Variants in MAGI2 observed in about 807,000 individuals in gnomAD.
MAGI2 encodes membrane associated guanylate kinase, WW and PDZ domain containing 2.
A neutral mutation model predicts 133.3 loss-of-function variants in MAGI2; 35 were observed. The ratio of observed to expected loss-of-function variants is 0.26; its 90% CI spans 0.20 to 0.35. MAGI2 has a LOEUF of 0.35. Among genes scored for constraint, MAGI2 ranks in the 10% least tolerant of loss-of-function variants. MAGI2 has a pLI of 1.00. For synonymous variants in MAGI2, 729 were observed against 710.6 expected (o/e 1.03, Z -0.41); for missense variants, 1,636 against 1,863.4 (o/e 0.88, Z 2.25).
intron 2 of MAGI2, among the ~76,000 whole-genome samples, chr7:78,896,018 G>A (rs972305757): frequency 6.6e-6 from 1 of 152,038 alleles, no homozygotes; most frequent in Non-Finnish European, 1.5e-5. Context: ...CTTAAAAAAA[G>A]AATGATTCTT....
chr7:78,882,115 A>AAG (rs1795917992), intron 2 of MAGI2, among the ~76,000 whole-genome samples: 14 of 93,720 alleles, frequency 1.5e-4, no homozygotes, highest in South Asian at 6.9e-4. Context: ...AAAAGAAAAG[A>AAG]AAAACAAAAA....
intron 3 of MAGI2, among the ~76,000 whole-genome samples, chr7:78,588,476 G>T (rs1803650675): frequency 6.6e-6 from 1 of 152,312 alleles, no homozygotes; most frequent in South Asian, 2.1e-4. Context: ...GATAACATAT[G>T]TGCAAATGGA....
At chr7:78,618,896 A>T (rs1221850399) in intron 3 of MAGI2, 1 of 150,670 alleles carries the variant, frequency 6.6e-6, no homozygotes, top group Admixed American at 6.6e-5. Context: ...TCAAGGGGAA[A>T]TGTTGGTCAA....
At chr7:78,658,053 G>C (rs1423074328) in intron 2 of MAGI2, among the ~76,000 whole-genome samples, 3 of 152,168 alleles carry the variant, frequency 2.0e-5, no homozygotes, top group Admixed American at 2.0e-4. Context: ...AGATTGTGCA[G>C]AACTGATATT....
chr7:79,205,342 C>A (rs935363220), intron 1 of MAGI2, among the ~76,000 whole-genome samples: 1 of 151,846 alleles, frequency 6.6e-6, no homozygotes, highest in African/African-American at 2.4e-5. Flanking sequence ...AATTACTGAA[C>A]ATCAAATTGC....
chr7:78,093,852 AC>A (rs1379424175), intron 20 of MAGI2, among the ~76,000 whole-genome samples: 1 of 152,244 alleles, frequency 6.6e-6, no homozygotes, highest in African/African-American at 2.4e-5. Context: ...GAAAAAATGG[AC>A]CCTTCATAAT....
intron 12 of MAGI2, among the ~76,000 whole-genome samples, chr7:78,188,469 T>C (rs749963390): frequency 7.9e-5 from 12 of 152,194 alleles, no homozygotes; most frequent in Non-Finnish European, 1.6e-4. Context: ...AGAAAATCTC[T>C]CAGTACAATT....
chr7:78,389,998 C>CA (rs1795753488), intron 6 of MAGI2, among the ~76,000 whole-genome samples: 1 of 152,254 alleles, frequency 6.6e-6, no homozygotes, highest in East Asian at 1.9e-4. Flanking sequence ...TTGCCTTTTA[C>CA]AAAATCATGA....
chr7:78,189,230 C>T (rs3807655), intron 12 of MAGI2, among the ~76,000 whole-genome samples: 42,101 of 152,104 alleles, frequency 0.28, 6,407 homozygotes, highest in South Asian at 0.36. Flanking sequence ...AAGAGCAGGA[C>T]AACAGCCATA....
At chr7:79,108,152 C>T (rs1240816638) in intron 1 of MAGI2, among the ~76,000 whole-genome samples, 6 of 152,198 alleles carry the variant, frequency 3.9e-5, no homozygotes, top group Non-Finnish European at 8.8e-5. Flanking sequence ...GGTGATTCTA[C>T]CACAGACCAG....
At chr7:78,857,048 CTGTT>C (rs1490143767) in intron 2 of MAGI2, among the ~76,000 whole-genome samples, 11 of 152,276 alleles carry the variant, frequency 7.2e-5, no homozygotes, top group African/African-American at 2.6e-4. Context: ...ATTTGGCTCT[CTGTT>C]TGTCTGTTAT....
intron 9 of MAGI2, among the ~76,000 whole-genome samples, chr7:78,287,317 C>G (rs1562757023): frequency 6.6e-6 from 1 of 152,112 alleles, no homozygotes; most frequent in Admixed American, 6.6e-5. Context: ...TGTTAAGGTT[C>G]TAGCTTGGGA....
At chr7:79,172,371 A>T (rs1199902611) in intron 1 of MAGI2, among the ~76,000 whole-genome samples, 1 of 152,098 alleles carries the variant, frequency 6.6e-6, no homozygotes, top group Non-Finnish European at 1.5e-5. Context: ...AAGGAGAAAC[A>T]CAGTAATTGA....
intron 21 of MAGI2, among the ~76,000 whole-genome samples, chr7:78,042,072 A>G (rs968102561): frequency 5.3e-5 from 8 of 152,210 alleles, no homozygotes; most frequent in Non-Finnish European, 8.8e-5. Flanking sequence ...CCATGAGTAC[A>G]GGAGACATGA....
intron 2 of MAGI2, among the ~76,000 whole-genome samples, chr7:78,932,824 A>G (rs1412635571): frequency 6.6e-6 from 1 of 152,172 alleles, no homozygotes; most frequent in African/African-American, 2.4e-5. Flanking sequence ...TGATGCCAGA[A>G]CTAGACTATA....
intron 1 of MAGI2, among the ~76,000 whole-genome samples, chr7:79,253,863 T>C (rs563520828): frequency 1.3e-5 from 2 of 152,286 alleles, no homozygotes; most frequent in Admixed American, 6.5e-5. Context: ...GAGAACACAA[T>C]AGAATAATGT....
At chr7:78,260,028 G>A (rs1315079262) in intron 9 of MAGI2, among the ~76,000 whole-genome samples, 2 of 152,150 alleles carry the variant, frequency 1.3e-5, no homozygotes, top group Non-Finnish European at 2.9e-5. Context: ...ATATCTTTAT[G>A]AAGATACGTA....
intron 1 of MAGI2, among the ~76,000 whole-genome samples, chr7:79,338,396 A>G (rs755679852): frequency 6.6e-6 from 1 of 152,186 alleles, no homozygotes; most frequent in Admixed American, 6.6e-5. Context: ...ACCAGAATAA[A>G]TAAGAAAGAT....
At chr7:78,234,274 A>G (rs2150883902) in intron 10 of MAGI2, among the ~76,000 whole-genome samples, 1 of 152,322 alleles carries the variant, frequency 6.6e-6, no homozygotes, top group South Asian at 2.1e-4. Context: ...ATCTACTAGC[A>G]GAAGATGCTT....
Sources: allele counts gnomAD v4.1 joint callset (sites outside exome capture counted in the v4.1 genomes callset), GRCh38; gene constraint gnomAD v4.1.1; transcripts MANE v1.5; gene names NCBI Gene and HGNC (gene_info 2026-07-23, HGNC 2026-07-21).